Variants in LRBA observed in about 807,000 individuals in gnomAD.
LRBA encodes LPS responsive beige-like anchor protein, also known as lipopolysaccharide-responsive and beige-like anchor protein.
LRBA carries 176 observed loss-of-function variants against 330.0 expected under a neutral mutation model. That is an observed-to-expected ratio of 0.53 (90% CI 0.47 to 0.60). The LOEUF (loss-of-function observed/expected upper bound fraction) is 0.60, where lower values mean the gene tolerates loss of function less well. Among genes scored for constraint, LRBA ranks in the 20% least tolerant of loss-of-function variants. The pLI is 0.00. For missense variants in LRBA, 3,259 were observed against 3,444.8 expected (o/e 0.95, Z 1.35); for synonymous variants, 1,230 against 1,193.0 (o/e 1.03, Z -0.64).
chr4:150,431,925 T>TA (rs915268761), intron 46 of LRBA, among the ~76,000 whole-genome samples: 15 of 152,026 alleles, frequency 9.9e-5, no homozygotes, highest in Non-Finnish European at 1.5e-4. Flanking sequence ...TGCTTTAGTG[T>TA]AAAAAAAGGT....
At chr4:150,760,778 A>C (rs528123465) in intron 35 of LRBA, among the ~76,000 whole-genome samples, 1 of 152,304 alleles carries the variant, frequency 6.6e-6, no homozygotes, top group East Asian at 1.9e-4. Context: ...CTGTACTTAC[A>C]TATTTCTATC....
Position 150,914,292 on chromosome 4 carries a change from C to T in LRBA, c.1064G>A (p.Arg355Lys), listed in dbSNP as rs1328964527. 1.3e-6 allele frequency: 2 copies of T among 1,598,110 alleles called. No individual in the cohort carries two copies. Among genetic ancestry groups the T allele is most frequent in the African/African-American group, 1.3e-5 (1 of 74,258 alleles). Residue 355 changes from arginine to lysine, a missense_variant, in exon 9 of 57, where the codon AGA becomes AAA. Coordinates refer to ENST00000651943, the MANE Select transcript of LRBA (RefSeq NM_001364905.1). Reference sequence around the variant, plus strand: ...TGCAGTCATCTGACCACAGAATACTCTATTAGCATCTGCTGTTTCTGATGA... The same window carrying T: ...TGCAGTCATCTGACCACAGAATACTTTATTAGCATCTGCTGTTTCTGATGA... ...LGSSETADAN[R>K]VFCGQMTAVY...
chr4:150,483,690 G>A (rs1757554308), intron 42 of LRBA, among the ~76,000 whole-genome samples: 2 of 151,972 alleles, frequency 1.3e-5, no homozygotes, highest in Middle Eastern at 3.4e-3. Context: ...CTCAGATTTT[G>A]GATAGAGCTG....
intron 37 of LRBA, among the ~76,000 whole-genome samples, chr4:150,647,358 T>C (rs531106556): frequency 2.9e-4 from 39 of 134,060 alleles, no homozygotes; most frequent in African/African-American, 1.0e-3. Context: ...TTTTCTTTTT[T>C]TTTTTTTTTT....
chr4:150,906,240 A>G (rs1731323424), intron 12 of LRBA, 57 bp downstream of exon 12: 7 of 1,122,492 alleles, frequency 6.2e-6, no homozygotes, highest in Non-Finnish European at 8.0e-6. Context: ...CCACTTAGAG[A>G]ACAAATGTAT....
In LRBA at chr4:150,917,929, C is replaced by CA. The variant is rs553174519; in HGVS notation, c.646-1192dup. Among the ~76,000 whole-genome samples, 47 of 142,906 alleles carry CA rather than the reference C, an allele frequency of 3.3e-4. No individual in the cohort carries two copies. In the South Asian group the frequency reaches 3.8e-3, roughly 12 times the overall value. 93.8% of individuals were successfully genotyped at this position (142,906 alleles called of 152,430 possible). On this transcript the variant is annotated intron_variant, in intron 5 of 56. Coordinates refer to ENST00000651943, the MANE Select transcript of LRBA (RefSeq NM_001364905.1). ...GGGTGACAAGAACAAAAATCTGTCT[C>CA]AAAAAAAAAAATGAAGAAGAACAAA...
intron 40 of LRBA, among the ~76,000 whole-genome samples, chr4:150,571,647 T>TTG: frequency 4.2e-5 from 5 of 120,054 alleles, no homozygotes; most frequent in African/African-American, 9.3e-5. Flanking sequence ...TACTGGTTAG[T>TTG]TGTTTTTTTT....
chr4:150,529,955 A>G (rs901705177), intron 40 of LRBA, among the ~76,000 whole-genome samples: 8 of 152,214 alleles, frequency 5.3e-5, no homozygotes, highest in African/African-American at 1.9e-4. Context: ...TTTAAAAACT[A>G]GTCTCAGATA....
At chr4:150,747,044 T>C (rs1238417726) in intron 35 of LRBA, among the ~76,000 whole-genome samples, 1 of 152,196 alleles carries the variant, frequency 6.6e-6, no homozygotes, top group Non-Finnish European at 1.5e-5. Context: ...CAAAAGAGAC[T>C]AAACACCTTT....
At chr4:150,693,929 G>A (rs1488203343) in intron 36 of LRBA, among the ~76,000 whole-genome samples, 1 of 152,058 alleles carries the variant, frequency 6.6e-6, no homozygotes, top group Non-Finnish European at 1.5e-5. Flanking sequence ...TGCTAAAATA[G>A]CAAGCCCTTT....
Position 150,310,321 on chromosome 4 carries a change from T to C in LRBA, c.7757A>G (p.His2586Arg). Residue 2586 changes from histidine (H) to arginine (R), a missense_variant, in exon 52 of 57, where the codon CAT becomes CGT. Transcript: ENST00000651943. The stretch of plus-strand genomic sequence containing the variant: ...TGAAGTGATGACAAAGCACTGGGAA[T>C]GCACTTGAATACTTTGGTCTAAAAG... Reference protein sequence around the residue: ...TDLLDQSIQVHSQCFVITSDN... With the variant: ...TDLLDQSIQVRSQCFVITSDN... 1 of 1,612,966 alleles carries C rather than the reference T, an allele frequency of 6.2e-7. No homozygotes were observed. The highest frequency in any genetic ancestry group is 8.5e-7 in the Non-Finnish European group (1 of 1,179,096).
At chr4:150,555,808 A>G (rs1767247137) in intron 40 of LRBA, among the ~76,000 whole-genome samples, 1 of 146,980 alleles carries the variant, frequency 6.8e-6, no homozygotes, top group African/African-American at 2.6e-5. Flanking sequence ...ATCTAAAAAT[A>G]TTCTCTTTTT....
chr4:150,916,297 G>T, intron 7 of LRBA, 104 bp downstream of exon 7: 4 of 1,143,288 alleles, frequency 3.5e-6, no homozygotes, highest in South Asian at 3.4e-5. Flanking sequence ...CAGTAAAAAC[G>T]AAGTTGTGCT....
chr4:150,594,276 A>G (rs1375478616), intron 38 of LRBA, among the ~76,000 whole-genome samples: 1 of 151,992 alleles, frequency 6.6e-6, no homozygotes, highest in Non-Finnish European at 1.5e-5. Context: ...CTGGTGTTCA[A>G]TTCTCAGTGG....
At chr4:150,632,464 G>T (rs1777483882) in intron 37 of LRBA, among the ~76,000 whole-genome samples, 1 of 152,118 alleles carries the variant, frequency 6.6e-6, no homozygotes, top group Admixed American at 6.5e-5. Flanking sequence ...AAAACTTGTT[G>T]CATGCACTAT....
In LRBA at chr4:150,559,821, TA is replaced by T. The variant is rs1309872126; in HGVS notation, c.6330+28226del. Among the ~76,000 whole-genome samples, 5 of 67,288 alleles carry T rather than the reference TA, an allele frequency of 7.4e-5. No homozygotes were observed. In the East Asian group the frequency reaches 2.2e-3, roughly 30 times the overall value. The allele number at this position is 67,288 out of a possible 152,430, so 44.1% of individuals were successfully genotyped here. On this transcript the variant is annotated intron_variant, in intron 40 of 56. Coordinates refer to ENST00000651943, the MANE Select transcript of LRBA (RefSeq NM_001364905.1). ...ATAATATGTTATATATAATAATATA[TA>T]ATAATATAAAATATAATATATATAA...
intron 40 of LRBA, among the ~76,000 whole-genome samples, chr4:150,496,058 A>G (rs1759557397): frequency 6.6e-6 from 1 of 152,282 alleles, no homozygotes; most frequent in South Asian, 2.1e-4. Context: ...CATAGATTAT[A>G]TACACACATA....
At chr4:150,496,042 T>G (rs1759554374) in intron 40 of LRBA, among the ~76,000 whole-genome samples, 1 of 152,172 alleles carries the variant, frequency 6.6e-6, no homozygotes, top group Non-Finnish European at 1.5e-5. Flanking sequence ...GATTTAGTAT[T>G]GAATACATAG....
At chr4:150,428,329 G>A (rs974784417) in intron 46 of LRBA, among the ~76,000 whole-genome samples, 1 of 152,004 alleles carries the variant, frequency 6.6e-6, no homozygotes, top group East Asian at 1.9e-4. Flanking sequence ...GATATGACCA[G>A]TGATGGTATG....
Sources: allele counts gnomAD v4.1 joint callset (sites outside exome capture counted in the v4.1 genomes callset), GRCh38; gene constraint gnomAD v4.1.1; transcripts MANE v1.5; gene names NCBI Gene and HGNC (gene_info 2026-07-23, HGNC 2026-07-21).